TENM3: variants seen among roughly 807,000 people sequenced by gnomAD.
The protein encoded by TENM3 is teneurin-3.
In TENM3, 63 loss-of-function variants were observed where a neutral mutation model predicts 255.1. The observed-to-expected ratio is 0.25, with a 90% CI of 0.20 to 0.30. The LOEUF is 0.30. TENM3 is among the 10% of genes least tolerant of loss of function. TENM3 has a pLI of 1.00. For missense variants in TENM3, 2,929 were observed against 3,461.1 expected, an observed-to-expected ratio of 0.85 and a Z score of 3.86; for synonymous variants, 1,306 against 1,322.3, an observed-to-expected ratio of 0.99 and a Z score of 0.27.
the TENM3 span, among the ~76,000 whole-genome samples, chr4:181,678,795 C>G: frequency 6.7e-6 from 1 of 149,208 alleles, no homozygotes; most frequent in East Asian, 2.0e-4. Context: ...TCTATATCAT[C>G]TCTCTTAGGC....
chr4:181,793,865 G>A, the TENM3 span, among the ~76,000 whole-genome samples: 1 of 152,262 alleles, frequency 6.6e-6, no homozygotes, highest in East Asian at 1.9e-4. Context: ...GTATTTTTCA[G>A]TGTTTTCAGT....
intron 3 of TENM3, among the ~76,000 whole-genome samples, chr4:182,473,449 G>A (rs1016440138): frequency 4.6e-5 from 7 of 152,178 alleles, no homozygotes; most frequent in Non-Finnish European, 7.3e-5. Context: ...CAAGGCGGGT[G>A]GATCACGAAG....
the TENM3 span, among the ~76,000 whole-genome samples, chr4:182,005,214 A>G: frequency 6.6e-6 from 1 of 152,332 alleles, no homozygotes; most frequent in Non-Finnish European, 1.5e-5. Context: ...TTTACATTTA[A>G]GTCTTTAATT....
Position 182,775,134 on chromosome 4 carries a change from T to C in TENM3, c.5285T>C (p.Val1762Ala). 4 of 1,614,018 alleles carry C rather than the reference T, an allele frequency of 2.5e-6. No homozygotes were observed. The highest frequency in any genetic ancestry group is 3.4e-6 in the Non-Finnish European group (4 of 1,179,900). Residue 1762 changes from valine to alanine, a missense_variant, in exon 24 of 28, where the codon GTC (valine) becomes GCC (alanine). Val to Ala is a moderately conservative substitution (Grantham distance 64). Transcript: ENST00000511685. ...RKEQAQGKVNVFGRKLRVNGR... is the reference protein window; with the variant it reads ...RKEQAQGKVNAFGRKLRVNGR... ...GAGCAAGCCCAAGGGAAAGTCAATG[T>C]CTTTGGCCGCAAGCTCAGGGTACGT...
the TENM3 span, among the ~76,000 whole-genome samples, chr4:181,469,152 A>G: frequency 2.6e-5 from 4 of 152,142 alleles, no homozygotes; most frequent in Admixed American, 2.0e-4. Flanking sequence ...CTCTGGTTGT[A>G]TCATAAACTT....
At chr4:181,820,969 A>T in the TENM3 span, among the ~76,000 whole-genome samples, 62 of 152,336 alleles carry the variant, frequency 4.1e-4, no homozygotes, top group African/African-American at 1.4e-3. Context: ...GAAAAGTGGA[A>T]TATAGACTGC....
intron 11 of TENM3, among the ~76,000 whole-genome samples, chr4:182,683,509 A>T (rs1443376711): frequency 6.6e-6 from 1 of 152,160 alleles, no homozygotes; most frequent in African/African-American, 2.4e-5. Context: ...TAAAATCCAA[A>T]TCACTTCTGG....
the TENM3 span, among the ~76,000 whole-genome samples, chr4:181,650,373 G>A: frequency 6.6e-6 from 1 of 152,144 alleles, no homozygotes; most frequent in Non-Finnish European, 1.5e-5. Context: ...CATACCATGT[G>A]CATTGTCAAT....
chr4:181,798,090 A>AGTGTGT, the TENM3 span, among the ~76,000 whole-genome samples: 1,245 of 149,894 alleles, frequency 8.3e-3, 14 homozygotes, highest in African/African-American at 0.023. Flanking sequence ...TTTCAAAATA[A>AGTGTGT]GTGTGTGTGT....
chr4:181,678,849 A>G, the TENM3 span, among the ~76,000 whole-genome samples: 1 of 151,600 alleles, frequency 6.6e-6, no homozygotes, highest in South Asian at 2.1e-4. Context: ...AACAAAAAAA[A>G]AAAAAACAGA....
the TENM3 span, among the ~76,000 whole-genome samples, chr4:181,639,664 C>A: frequency 6.6e-6 from 1 of 152,176 alleles, no homozygotes; most frequent in Non-Finnish European, 1.5e-5. Flanking sequence ...CGCTTGAACC[C>A]AGGAGGCAGA....
chr4:182,493,447 G>T (rs975992283), intron 3 of TENM3, among the ~76,000 whole-genome samples: 13 of 152,070 alleles, frequency 8.5e-5, no homozygotes, highest in African/African-American at 3.1e-4. Flanking sequence ...AAGCTCCTTG[G>T]AACAATTCAG....
chr4:182,502,407 A>G (rs914671933), intron 3 of TENM3, among the ~76,000 whole-genome samples: 9 of 151,698 alleles, frequency 5.9e-5, no homozygotes, highest in Non-Finnish European at 1.2e-4. Flanking sequence ...TTTTCCTTCT[A>G]TTTTGCAGTT....
intron 3 of TENM3, among the ~76,000 whole-genome samples, chr4:182,514,552 C>T (rs898185754): frequency 1.3e-5 from 2 of 152,152 alleles, no homozygotes; most frequent in African/African-American, 4.8e-5. Flanking sequence ...GTCCATTTTA[C>T]ATCCGGCCCT....
At chr4:181,673,310 G>T in the TENM3 span, among the ~76,000 whole-genome samples, 3 of 152,028 alleles carry the variant, frequency 2.0e-5, no homozygotes, top group African/African-American at 4.8e-5. Flanking sequence ...CTCAGTCCAT[G>T]GACTTTTTTC....
chr4:182,724,192 G>C (rs1476662052), intron 13 of TENM3, among the ~76,000 whole-genome samples: 2 of 152,112 alleles, frequency 1.3e-5, no homozygotes, highest in Non-Finnish European at 2.9e-5. Flanking sequence ...AATGCTATTA[G>C]ACATGGCTTC....
At chr4:182,791,335 G>A (rs932522058) in intron 25 of TENM3, among the ~76,000 whole-genome samples, 1 of 152,200 alleles carries the variant, frequency 6.6e-6, no homozygotes, top group Non-Finnish European at 1.5e-5. Flanking sequence ...TGGCCCAGCG[G>A]GTTAGAGGAA....
intron 4 of TENM3, among the ~76,000 whole-genome samples, chr4:182,606,173 T>G (rs1446501966): frequency 2.0e-5 from 3 of 152,258 alleles, no homozygotes; most frequent in Non-Finnish European, 4.4e-5. Flanking sequence ...CTTAAAATAT[T>G]TGTCTTAATT....
the TENM3 span, among the ~76,000 whole-genome samples, chr4:181,708,177 C>G: frequency 6.6e-6 from 1 of 152,122 alleles, no homozygotes; most frequent in Admixed American, 6.5e-5. Context: ...CTTAAATATT[C>G]TTGTCTAATT....
Sources: gnomAD v4.1 joint callset for allele counts (sites outside exome capture counted in the v4.1 genomes callset) on GRCh38, gnomAD v4.1.1 for gene constraint, MANE v1.5 for transcripts, NCBI Gene and HGNC (gene_info 2026-07-23, HGNC 2026-07-21) for gene names.